PDCD11: variants seen among roughly 807,000 people sequenced by gnomAD.
The protein encoded by PDCD11 is protein RRP5 homolog.
In PDCD11, 97 loss-of-function variants were observed where a neutral mutation model predicts 198.9. The ratio of observed to expected loss-of-function variants is 0.49; its 90% CI spans 0.41 to 0.58. The LOEUF is 0.58. Among genes scored for constraint, PDCD11 ranks in the 20% least tolerant of loss-of-function variants. The probability of loss-of-function intolerance (pLI) is 0.00; values close to 1 mark genes in which losing one functional copy is unlikely to be tolerated. For missense variants in PDCD11, 2,102 were observed against 2,312.7 expected (o/e 0.91, Z 1.87); for synonymous variants, 893 against 918.0 (o/e 0.97, Z 0.49).
intron 8 of PDCD11, among the ~76,000 whole-genome samples, chr10:103,410,892 G>T (rs11191683): frequency 0.27 from 40,665 of 151,340 alleles, 6,501 homozygotes; most frequent in South Asian, 0.49. Flanking sequence ...TGGCCAGCAT[G>T]GTGAAACCCC....
chr10:103,414,649 C>CCA (rs1157665909), intron 11 of PDCD11, among the ~76,000 whole-genome samples: 3 of 152,194 alleles, frequency 2.0e-5, no homozygotes, highest in Admixed American at 2.0e-4. Context: ...TAGTGAGAAG[C>CCA]CAGTTCCAGG....
intron 32 of PDCD11, among the ~76,000 whole-genome samples, chr10:103,442,744 A>G (rs137929159): frequency 0.017 from 2,659 of 152,310 alleles, 37 homozygotes; most frequent in Admixed American, 0.023. Flanking sequence ...ACAGTAAGAA[A>G]AGAACTCACT....
At chr10:103,443,696 G>A (rs1592144464) in intron 33 of PDCD11, among the ~76,000 whole-genome samples, 1 of 152,160 alleles carries the variant, frequency 6.6e-6, no homozygotes, top group Non-Finnish European at 1.5e-5. Context: ...CCTCCCATGG[G>A]TGCGGATCAG....
Position 103,406,775 on chromosome 10 carries a change from A to G in PDCD11, c.855A>G (p.Lys285=). 1 of 1,613,910 alleles carries G rather than the reference A, an allele frequency of 6.2e-7. No homozygotes were observed. Among genetic ancestry groups the G allele is most frequent in the Non-Finnish European group, 8.5e-7 (1 of 1,179,834 alleles). ...LNNLLPGLVV[K]AQVQKVTPFG... ...ACTTGCTACCAGGACTGGTGGTCAA[A>G]GCTCAGGTACAGAAGGTAAGCTGTT... is the stretch of plus-strand genomic sequence containing the variant. The change falls in exon 7 of 36, where the codon AAA becomes AAG. Residue 285 remains lysine, a synonymous_variant. Coordinates refer to ENST00000369797, the MANE Select transcript of PDCD11 (RefSeq NM_014976.2).
intron 28 of PDCD11, 147 bp from the exon 29 acceptor site, chr10:103,440,143 C>A (rs2032317411): frequency 3.1e-6 from 4 of 1,273,658 alleles, no homozygotes; most frequent in Admixed American, 2.3e-5. Flanking sequence ...TTGTGCAAAT[C>A]ATTCTTGAGA....
At chr10:103,415,282 T>C in intron 12 of PDCD11, 131 bp downstream of exon 12, 2 of 886,234 alleles carry the variant, frequency 2.3e-6, no homozygotes, top group South Asian at 3.3e-5. Context: ...TACCTGGCAT[T>C]GGGAAGAGAA....
chr10:103,406,574 A>AT (rs2030463857), intron 6 of PDCD11, 35 bp from the exon 7 acceptor site: 1 of 1,596,726 alleles, frequency 6.3e-7, no homozygotes, highest in Non-Finnish European at 8.5e-7. Context: ...TCATAGATAC[A>AT]TTTTTCCTTT....
At chr10:103,438,858 G>C (rs532979015) in intron 27 of PDCD11, 50 bp downstream of exon 27, 16 of 1,604,572 alleles carry the variant, frequency 1.0e-5, no homozygotes, top group Middle Eastern at 2.1e-4. Context: ...CCCTGAGCCT[G>C]TGTTGCTCTG....
In PDCD11 at chr10:103,419,675, C is replaced by T. The variant is rs201271419; in HGVS notation, c.2244C>T (p.Phe748=). Residue 748 remains phenylalanine (F), a synonymous_variant, in exon 16 of 36, where the codon TTC becomes TTT. Transcript: ENST00000369797. ...SIKDYGVFIQ[F]PSGLSGLAPK... ...AGGACTATGGCGTGTTCATCCAGTT[C>T]CCCTCAGGTCTTAGCGGACTGGCCC... 180 of 1,614,092 alleles carry T rather than the reference C, an allele frequency of 1.1e-4. No homozygotes were observed. In the South Asian group the frequency reaches 1.9e-3, roughly 17 times the overall value.
At chr10:103,399,969 G>T (rs1342137167) in intron 2 of PDCD11, 1 of 152,898 alleles carries the variant, frequency 6.5e-6, no homozygotes, top group African/African-American at 2.4e-5. Context: ...GGGATTACTG[G>T]TGTGAGCCAC....
chr10:103,443,362 T>A, intron 33 of PDCD11, 29 bp downstream of exon 33: 1 of 1,571,344 alleles, frequency 6.4e-7, no homozygotes, highest in Non-Finnish European at 8.7e-7. Flanking sequence ...GACGAACTCC[T>A]GGGAGTTCCA....
intron 8 of PDCD11, 96 bp downstream of exon 8, chr10:103,409,902 G>A (rs1353338313): frequency 3.6e-6 from 3 of 840,878 alleles, no homozygotes; most frequent in Non-Finnish European, 6.2e-6. Context: ...AGGACTGCAT[G>A]CATACAGGTG....
chr10:103,397,142 C>T (rs2093440428), intron 1 of PDCD11, among the ~76,000 whole-genome samples: 1 of 151,944 alleles, frequency 6.6e-6, no homozygotes, highest in South Asian at 2.1e-4. Flanking sequence ...ACTAACCTCT[C>T]CTGTCTTCTG....
intron 16 of PDCD11, among the ~76,000 whole-genome samples, chr10:103,420,480 A>C (rs1176633521): frequency 6.6e-6 from 1 of 152,170 alleles, no homozygotes; most frequent in African/African-American, 2.4e-5. Context: ...GAACAATCCC[A>C]GCAGTCCCCT....
chr10:103,442,526 G>C, intron 32 of PDCD11, 66 bp downstream of exon 32: 1 of 1,559,256 alleles, frequency 6.4e-7, no homozygotes, highest in South Asian at 1.2e-5. Flanking sequence ...TTCTCAACCT[G>C]TGGGGTAGCT....
Position 103,425,167 on chromosome 10 carries a change from A to T in PDCD11, c.2947A>T (p.Thr983Ser), listed in dbSNP as rs1212034756. 2 of 1,614,024 alleles carry T rather than the reference A, an allele frequency of 1.2e-6. No individual in the cohort carries two copies. ...GGGTGTCTCCCTAACCCTCAAGACC[A>T]CAGAACCAGGAGTGACTGGCCTTCT... Reference protein sequence around the residue: ...GQGVSLTLKTTEPGVTGLLLA... With the variant: ...GQGVSLTLKTSEPGVTGLLLA... The change falls in exon 20 of 36, where the codon ACA (threonine) becomes TCA (serine). Residue 983 changes from threonine to serine, a missense_variant. Coordinates refer to ENST00000369797, the MANE Select transcript of PDCD11 (RefSeq NM_014976.2).
chr10:103,444,251 G>A (rs1476348330), intron 34 of PDCD11, 183 bp downstream of exon 34: 10 of 648,792 alleles, frequency 1.5e-5, no homozygotes, highest in Admixed American at 2.9e-5. Context: ...GGCTCCAAAA[G>A]ATGGAGGAAC....
intron 33 of PDCD11, 45 bp downstream of exon 33, chr10:103,443,378 A>G (rs1348462313): frequency 1.3e-6 from 2 of 1,539,482 alleles, no homozygotes; most frequent in Non-Finnish European, 8.8e-7. Context: ...TTCCAGGGCC[A>G]CAATCTCAGA....
At position 103,398,413 on chromosome 10, in the gene PDCD11, T is replaced by C. The variant is rs1304390305; in HGVS notation, c.-11-3T>C. 6.4e-7 allele frequency: 1 copy of C among 1,574,674 alleles called. No individual in the cohort carries two copies. The highest frequency in any genetic ancestry group is 1.1e-5 in the South Asian group (1 of 90,226). ...TCACCATTATCCTTTGCATTGTTTT[T>C]AGGAGACCCAAACATGGCAAACCTG... On this transcript the variant is annotated splice_polypyrimidine_tract_variant and splice_region_variant and intron_variant, in intron 1 of 35. Coordinates refer to ENST00000369797, the MANE Select transcript of PDCD11 (RefSeq NM_014976.2).
Sources: allele counts gnomAD v4.1 joint callset (sites outside exome capture counted in the v4.1 genomes callset), GRCh38; gene constraint gnomAD v4.1.1; transcripts MANE v1.5; gene names NCBI Gene and HGNC (gene_info 2026-07-23, HGNC 2026-07-21).